The following DTNBP1 variants were observed in gnomAD, a reference collection of about 807,000 sequenced individuals.
The protein encoded by DTNBP1 is dystrobrevin binding protein 1.
DTNBP1 carries 35 observed loss-of-function variants against 42.8 expected under a neutral mutation model. The ratio of observed to expected loss-of-function variants is 0.82; its 90% CI spans 0.63 to 1.09. The LOEUF is 1.09. Ranked by LOEUF, DTNBP1 falls within the 50% of genes least tolerant of loss-of-function variation. The pLI is 0.00. For missense variants in DTNBP1, 457 were observed against 424.2 expected, an observed-to-expected ratio of 1.08 and a Z score of -0.68; for synonymous variants, 171 against 162.2, an observed-to-expected ratio of 1.05 and a Z score of -0.41.
At chr6:15,523,357 T>A (rs1772053813) in intron 9 of DTNBP1, 138 bp from the exon 10 acceptor site, 2 of 1,348,788 alleles carry the variant, frequency 1.5e-6, no homozygotes, top group Non-Finnish European at 2.1e-6. Flanking sequence ...CTGCAGAACT[T>A]GGGAACTGCC....
At chr6:15,526,190 A>G (rs977705610) in intron 8 of DTNBP1, among the ~76,000 whole-genome samples, 1 of 152,264 alleles carries the variant, frequency 6.6e-6, no homozygotes, top group East Asian at 1.9e-4. Flanking sequence ...GAAACACGTC[A>G]TTATGAGCCT....
intron 6 of DTNBP1, among the ~76,000 whole-genome samples, chr6:15,605,572 A>G (rs1056871015): frequency 2.6e-5 from 4 of 151,998 alleles, no homozygotes; most frequent in Admixed American, 6.6e-5. Flanking sequence ...TTTTTTCTTT[A>G]TAAATTTATC....
At chr6:15,623,627 A>G (rs896098702) in intron 5 of DTNBP1, among the ~76,000 whole-genome samples, 1 of 152,368 alleles carries the variant, frequency 6.6e-6, no homozygotes, top group Non-Finnish European at 1.5e-5. Flanking sequence ...AGTCTTTTAA[A>G]AATAGGTCAT....
At chr6:15,563,265 C>T (rs1342321561) in intron 7 of DTNBP1, among the ~76,000 whole-genome samples, 1 of 152,294 alleles carries the variant, frequency 6.6e-6, no homozygotes, top group East Asian at 1.9e-4. Flanking sequence ...TTTGAAACTC[C>T]TGAAGAAAAC....
intron 6 of DTNBP1, among the ~76,000 whole-genome samples, chr6:15,593,541 A>G (rs1776383426): frequency 6.6e-6 from 1 of 152,222 alleles, no homozygotes; most frequent in South Asian, 2.1e-4. Context: ...CAACAGCAAA[A>G]GAGAAAAGGG....
intron 8 of DTNBP1, among the ~76,000 whole-genome samples, chr6:15,527,730 A>G (rs748530061): frequency 5.9e-5 from 9 of 152,190 alleles, no homozygotes; most frequent in Non-Finnish European, 1.2e-4. Flanking sequence ...GGTAAGACTC[A>G]TCGTAAATAG....
intron 8 of DTNBP1, among the ~76,000 whole-genome samples, chr6:15,526,410 G>A (rs1398710572): frequency 3.3e-5 from 5 of 152,234 alleles, no homozygotes; most frequent in African/African-American, 1.2e-4. Context: ...GGCTTCATCT[G>A]GGAGGAAAGT....
intron 7 of DTNBP1, among the ~76,000 whole-genome samples, chr6:15,584,463 G>A (rs1775972574): frequency 6.6e-6 from 1 of 151,956 alleles, no homozygotes; most frequent in African/African-American, 2.4e-5. Flanking sequence ...TAAGAATGTG[G>A]TAAAACCTCT....
At chr6:15,548,450 C>CACAG in intron 7 of DTNBP1, 1 of 150,480 alleles carries the variant, frequency 6.6e-6, no homozygotes, top group African/African-American at 2.4e-5. Context: ...CACACACACA[C>CACAG]ACACACACAC....
At chr6:15,543,316 A>G (rs1359903065) in intron 7 of DTNBP1, among the ~76,000 whole-genome samples, 1 of 152,204 alleles carries the variant, frequency 6.6e-6, no homozygotes, top group Non-Finnish European at 1.5e-5. Context: ...CATCTTACAT[A>G]ATTCTGGTAT....
intron 4 of DTNBP1, among the ~76,000 whole-genome samples, chr6:15,628,786 T>G (rs898630968): frequency 6.6e-6 from 1 of 152,204 alleles, no homozygotes; most frequent in East Asian, 1.9e-4. Flanking sequence ...AAGAAAGAAC[T>G]TTGGAGGAAT....
At chr6:15,653,585 A>G (rs1034339726) in intron 1 of DTNBP1, among the ~76,000 whole-genome samples, 1 of 152,230 alleles carries the variant, frequency 6.6e-6, no homozygotes. Context: ...CATAAACTGT[A>G]CAATTTATTT....
Position 15,522,816 on chromosome 6 carries a change from C to T in DTNBP1, c.*159G>A. On this transcript the variant is annotated 3_prime_UTR_variant, in exon 10 of 10. Coordinates refer to ENST00000344537, the MANE Select transcript of DTNBP1 (RefSeq NM_032122.5). ...CTCTGTGCGCTCTCAGTTTACCGTC[C>T]TCACACTTTATTGTTAGCTGTTCTT... The T allele has an allele frequency of 7.7e-7, 1 of 1,307,142 alleles. No individual in the cohort carries two copies. Among genetic ancestry groups the T allele is most frequent in the East Asian group, 2.3e-5 (1 of 42,804 alleles). 81.0% of individuals were successfully genotyped at this position (1,307,142 alleles called of 1,614,324 possible). A position where few individuals can be genotyped will look rare whatever the true frequency, so the allele number is the denominator to read the frequency against.
intron 8 of DTNBP1, among the ~76,000 whole-genome samples, chr6:15,530,389 T>C (rs1308119531): frequency 1.3e-5 from 2 of 152,242 alleles, no homozygotes; most frequent in Non-Finnish European, 2.9e-5. Context: ...AAACCATATA[T>C]TGGCGACATG....
rs1775019099 is a variant in DTNBP1 at position 15,565,294 on chromosome 6, CAT to C, written c.511+27763_511+27764del. Among the ~76,000 whole-genome samples, 5 of 152,070 alleles carry C rather than the reference CAT, an allele frequency of 3.3e-5. No individual in the cohort carries two copies. In the South Asian group the frequency reaches 1.0e-3, roughly 31 times the overall value. On this transcript the variant is annotated intron_variant, in intron 7 of 9. Transcript: ENST00000344537. ...TTGTCAATTTCTTTGAAAAGTTAAA[CAT>C]AAACTTATCATAGAATCCAGCAATT...
chr6:15,585,231 C>T (rs1776026965), intron 7 of DTNBP1, among the ~76,000 whole-genome samples: 1 of 150,798 alleles, frequency 6.6e-6, no homozygotes, highest in African/African-American at 2.4e-5. Context: ...TTGGATATGG[C>T]TCACATATTT....
Position 15,588,412 on chromosome 6 carries a change from T to C in DTNBP1, c.511+4647A>G, listed in dbSNP as rs548287067. ...CCTATCCGGACTCTATCAGCTACAA[T>C]AACCTTTGAGCTCTTTTTAATCATG... is the stretch of plus-strand genomic sequence containing the variant. On this transcript the variant is annotated intron_variant, in intron 7 of 9. Coordinates refer to ENST00000344537, the MANE Select transcript of DTNBP1 (RefSeq NM_032122.5). 6.6e-5 allele frequency among the ~76,000 whole-genome samples: 10 copies of C among 152,334 alleles called. No homozygotes were observed. In the South Asian group the frequency reaches 1.7e-3, roughly 25 times the overall value.
At chr6:15,571,114 G>C (rs977970570) in intron 7 of DTNBP1, among the ~76,000 whole-genome samples, 3 of 152,170 alleles carry the variant, frequency 2.0e-5, no homozygotes, top group Non-Finnish European at 4.4e-5. Flanking sequence ...TATGGAATCA[G>C]CTTTAAAATA....
chr6:15,566,647 T>C (rs562332227), intron 7 of DTNBP1, among the ~76,000 whole-genome samples: 7 of 151,622 alleles, frequency 4.6e-5, no homozygotes, highest in Non-Finnish European at 1.0e-4. Flanking sequence ...TATTTTGAAA[T>C]GACCCTGCAA....
Sources: allele counts gnomAD v4.1 joint callset (sites outside exome capture counted in the v4.1 genomes callset), GRCh38; gene constraint gnomAD v4.1.1; transcripts MANE v1.5; gene names NCBI Gene and HGNC (gene_info 2026-07-23, HGNC 2026-07-21).